WNT9B: variants seen among roughly 807,000 people sequenced by gnomAD.
The protein encoded by WNT9B is Wnt family member 9B.
WNT9B carries 12 observed loss-of-function variants against 30.2 expected under a neutral mutation model. The observed-to-expected ratio is 0.40, with a 90% confidence interval of 0.26 to 0.64. WNT9B has a LOEUF of 0.64. Among genes scored for constraint, WNT9B ranks in the 30% least tolerant of loss-of-function variants. The probability of loss-of-function intolerance (pLI) is 0.42; values close to 1 mark genes in which losing one functional copy is unlikely to be tolerated. For synonymous variants in WNT9B, 218 were observed against 216.9 expected, an observed-to-expected ratio of 1.01 and a Z score of -0.05; for missense variants, 442 against 485.2, an observed-to-expected ratio of 0.91 and a Z score of 0.84.
chr17:46,886,685 G>A (rs1317341068), exon 5 of WNT9B: 2 of 152,170 alleles, frequency 1.3e-5, no homozygotes, highest in African/African-American at 4.8e-5. Flanking sequence ...TGGTTCGGAG[G>A]GATGCCCAAT....
Position 46,880,385 on chromosome 17 carries a change from C to T in WNT9B, c.*3667C>T, listed in dbSNP as rs1019693020. Among the ~76,000 whole-genome samples the T allele has an allele frequency of 6.6e-6, 1 of 152,212 alleles. No individual in the cohort carries two copies. The highest frequency in any genetic ancestry group is 2.4e-5 in the African/African-American group (1 of 41,448). ...AATGGAAGCCATCACTTATTGAGCA[C>T]CCCTTATGTCCATTTATTCAACCAA... On this transcript the variant is annotated 3_prime_UTR_variant, in exon 4 of 4. Transcript: ENST00000290015.
intron 1 of WNT9B, among the ~76,000 whole-genome samples, chr17:46,839,751 G>C (rs1480614663): frequency 6.6e-6 from 1 of 151,836 alleles, no homozygotes; most frequent in Non-Finnish European, 1.5e-5. Flanking sequence ...TGATTGTTCA[G>C]TTCCCACCTA....
At chr17:46,839,479 G>T (rs1446348430) in intron 1 of WNT9B, among the ~76,000 whole-genome samples, 3 of 152,212 alleles carry the variant, frequency 2.0e-5, no homozygotes, top group African/African-American at 7.2e-5. Context: ...CACAACGCAG[G>T]CGTCAAGGCA....
intron 1 of WNT9B, among the ~76,000 whole-genome samples, chr17:46,842,965 C>T (rs1434265543): frequency 2.0e-5 from 3 of 152,158 alleles, no homozygotes; most frequent in Non-Finnish European, 4.4e-5. Context: ...AAGCCAGAGA[C>T]AAGATTTTAA....
chr17:46,864,943 G>C (rs1325200937), intron 1 of WNT9B, among the ~76,000 whole-genome samples: 1 of 152,206 alleles, frequency 6.6e-6, no homozygotes, highest in Non-Finnish European at 1.5e-5. Context: ...GGTTTCTCCA[G>C]CTCTAACGTA....
chr17:46,880,225 C>A lies in WNT9B; in HGVS notation c.*3507C>A, dbSNP rs2085405628. ...TGTCCCCTGGTCTAGATAAGCCCAG[C>A]TTTCCTGGTACCCTTCATCACCTGG... On this transcript the variant is annotated 3_prime_UTR_variant, in exon 4 of 4. Transcript: ENST00000290015. Among the ~76,000 whole-genome samples, 1 of 152,200 alleles carries A rather than the reference C, an allele frequency of 6.6e-6. No individual in the cohort carries two copies. The highest frequency in any genetic ancestry group is 1.5e-5 in the Non-Finnish European group (1 of 68,036).
chr17:46,842,495 C>T (rs2084728037), intron 1 of WNT9B, among the ~76,000 whole-genome samples: 1 of 152,194 alleles, frequency 6.6e-6, no homozygotes, highest in African/African-American at 2.4e-5. Context: ...CTGCCTCAGC[C>T]TCCCGAGTAG....
chr17:46,870,141 A>G (rs2085214325), intron 1 of WNT9B, among the ~76,000 whole-genome samples: 1 of 151,836 alleles, frequency 6.6e-6, no homozygotes, highest in South Asian at 2.1e-4. Flanking sequence ...AATTTCCATC[A>G]CTCCCTGCTT....
At chr17:46,835,942 T>C (rs2084623419) in intron 1 of WNT9B, among the ~76,000 whole-genome samples, 1 of 152,146 alleles carries the variant, frequency 6.6e-6, no homozygotes, top group African/African-American at 2.4e-5. Flanking sequence ...CTGGTGGGGC[T>C]CCTCAGAGGT....
chr17:46,886,514 T>A (rs1261415067), exon 5 of WNT9B: 1 of 152,096 alleles, frequency 6.6e-6, no homozygotes, highest in Non-Finnish European at 1.5e-5. Context: ...ATAGCTGAGT[T>A]TTGGGGCAGT....
chr17:46,862,757 T>C (rs1398798529), intron 1 of WNT9B, among the ~76,000 whole-genome samples: 1 of 152,156 alleles, frequency 6.6e-6, no homozygotes, highest in South Asian at 2.1e-4. Context: ...TAATTTTTTG[T>C]ATCTTTAGTA....
chr17:46,869,802 C>T (rs992672904), intron 1 of WNT9B, among the ~76,000 whole-genome samples: 4 of 151,978 alleles, frequency 2.6e-5, no homozygotes, highest in African/African-American at 9.7e-5. Context: ...AGTTCGAAAC[C>T]AGCCTGGCTA....
rs2146541530 is a variant in WNT9B at position 46,851,750 on chromosome 17, G to T, written c.77+35G>T. 1 of 1,156,900 alleles carries T rather than the reference G, an allele frequency of 8.6e-7. No homozygotes were observed. The highest frequency in any genetic ancestry group is 1.1e-6 in the Non-Finnish European group (1 of 910,774). 71.7% of individuals were successfully genotyped at this position (1,156,900 alleles called of 1,614,324 possible). ...CGCCGCGCCCCCCGCCCGCTCCCCG[G>T]CCTGCCTGTCTCTCCCTCCTGCGCT... On this transcript the variant is annotated intron_variant, in intron 1 of 3. Transcript: ENST00000290015. The surrounding 1 kb of genome is among the most constrained non-coding windows in gnomAD (Gnocchi z 4.3).
upstream of WNT9B, among the ~76,000 whole-genome samples, chr17:46,849,397 G>C (rs1350186869): frequency 6.6e-6 from 1 of 152,234 alleles, no homozygotes; most frequent in Non-Finnish European, 1.5e-5. Context: ...ATGAGAACAG[G>C]AGGAGCAGCT....
intron 1 of WNT9B, among the ~76,000 whole-genome samples, chr17:46,857,367 C>G (rs1371116369): frequency 6.6e-6 from 1 of 150,404 alleles, no homozygotes; most frequent in Non-Finnish European, 1.5e-5. Flanking sequence ...CCCAGCTACT[C>G]AGGAGGCTGA....
intron 2 of WNT9B, 52 bp from the exon 3 acceptor site, chr17:46,875,049 T>C (rs1364350551): frequency 6.2e-7 from 1 of 1,613,108 alleles, no homozygotes; most frequent in Admixed American, 1.7e-5. Context: ...GCTTCCTCCT[T>C]TCCTCTCTTC....
chr17:46,875,227 G>A lies in WNT9B; in HGVS notation c.461G>A (p.Arg154Gln), dbSNP rs756222047. 2.0e-5 allele frequency: 33 copies of A among 1,614,070 alleles called. No individual in the cohort carries two copies. Among genetic ancestry groups the A allele is most frequent in the African/African-American group, 2.7e-5 (2 of 74,938 alleles). ...GATGACTCTCCGGGGCTGGAGAGCCGGCAGGCCTGGCAGTGGGGCGTGTGC... is the reference window on the plus strand; with the variant it reads ...GATGACTCTCCGGGGCTGGAGAGCCAGCAGGCCTGGCAGTGGGGCGTGTGC... ...TCDDSPGLES[R>Q]QAWQWGVCGD... Residue 154 changes from arginine (R) to glutamine (Q), a missense_variant, in exon 3 of 4, where the codon CGG (arginine) becomes CAG (glutamine). By Grantham distance (43) the Arg-to-Gln change is conservative. Transcript: ENST00000290015.
At chr17:46,885,655 T>C (rs912816103) in exon 5 of WNT9B, 7 of 152,226 alleles carry the variant, frequency 4.6e-5, no homozygotes, top group African/African-American at 1.7e-4. Flanking sequence ...AATATTGGCA[T>C]CTTTTGTTTT....
upstream of WNT9B, among the ~76,000 whole-genome samples, chr17:46,848,932 G>GCACACACACACACA (rs60793746): frequency 2.7e-5 from 4 of 146,180 alleles, no homozygotes; most frequent in South Asian, 2.1e-4. Flanking sequence ...GTGTGCACGT[G>GCACACACACACACA]CACACACACA....
Sources: gnomAD v4.1 joint callset for allele counts (sites outside exome capture counted in the v4.1 genomes callset) on GRCh38, gnomAD v4.1.1 for gene constraint, Gnocchi (gnomAD v3.1) non-coding constraint, MANE v1.5 for transcripts, NCBI Gene and HGNC (gene_info 2026-07-23, HGNC 2026-07-21) for gene names.